Variants in TRIM25 observed in about 807,000 individuals in gnomAD.
TRIM25 encodes the protein tripartite motif containing 25.
TRIM25 carries 45 observed loss-of-function variants against 65.2 expected under a neutral mutation model. That is an observed-to-expected ratio of 0.69 (90% CI 0.54 to 0.89). The LOEUF is 0.89. TRIM25 is among the 40% of genes least tolerant of loss of function. The pLI is 0.00. For synonymous variants in TRIM25, 321 were observed against 340.4 expected, an observed-to-expected ratio of 0.94 and a Z score of 0.63; for missense variants, 714 against 803.7, an observed-to-expected ratio of 0.89 and a Z score of 1.35.
At chr17:56,906,462 A>C (rs1263538617) in intron 2 of TRIM25, among the ~76,000 whole-genome samples, 1 of 152,158 alleles carries the variant, frequency 6.6e-6, no homozygotes, top group Non-Finnish European at 1.5e-5. Flanking sequence ...AGGACAGTAG[A>C]CTGGAAAAGA....
rs1181945745 is a variant in TRIM25 at position 56,888,278 on chromosome 17, T to C, written c.*3422A>G. On this transcript the variant is annotated 3_prime_UTR_variant, in exon 9 of 9. Transcript: ENST00000316881. ...AGTCATCCCACCTTTTAGCATAAGC[T>C]CAGGTGTGATCCCATGGCCTCACAA... 1 of 152,056 alleles carries C rather than the reference T, an allele frequency of 6.6e-6. No individual in the cohort carries two copies. The highest frequency in any genetic ancestry group is 1.5e-5 in the Non-Finnish European group (1 of 68,034). The allele number at this position is 152,056 out of a possible 1,614,324, so 9.4% of individuals were successfully genotyped here. A position where few individuals can be genotyped will look rare whatever the true frequency, so the allele number is the denominator to read the frequency against.
intron 3 of TRIM25, among the ~76,000 whole-genome samples, chr17:56,903,229 C>A (rs745596172): frequency 6.6e-6 from 1 of 152,060 alleles, no homozygotes; most frequent in African/African-American, 2.4e-5. Context: ...GGTGAAATCT[C>A]GTCTCTACTA....
chr17:56,895,755 T>C (rs2144350605), intron 6 of TRIM25, 151 bp from the exon 7 acceptor site: 1 of 1,169,082 alleles, frequency 8.6e-7, no homozygotes, highest in South Asian at 1.5e-5. Context: ...CTTATTCATC[T>C]CACTTATGCT....
At position 56,900,209 on chromosome 17, in the gene TRIM25, G is replaced by A. The variant is rs139560285; in HGVS notation, c.1088-1029C>T. On this transcript the variant is annotated intron_variant, in intron 4 of 8. Coordinates refer to ENST00000316881, the MANE Select transcript of TRIM25 (RefSeq NM_005082.5). The stretch of plus-strand genomic sequence containing the variant: ...AGCCTGGGTGACAGAGCGAGACTCC[G>A]TCTCAAAAAAAAAAAAATTTTTTTT... Among the ~76,000 whole-genome samples, 206 of 143,114 alleles carry A rather than the reference G, an allele frequency of 1.4e-3. 2 individuals carry two copies. In the East Asian group the frequency reaches 0.038, roughly 26 times the overall value. The allele number at this position is 143,114 out of a possible 152,430, so 93.9% of individuals were successfully genotyped here.
In TRIM25 at chr17:56,913,225, TATA is replaced by T. The variant is rs1909663575; in HGVS notation, c.597+164_597+166del. The T allele has an allele frequency of 3.7e-6, 2 of 543,446 alleles. No individual in the cohort carries two copies. Among genetic ancestry groups the T allele is most frequent in the African/African-American group, 3.9e-5 (2 of 51,298 alleles). The allele number at this position is 543,446 out of a possible 1,614,324, so 33.7% of individuals were successfully genotyped here. ...GTCTTCATGGATGATGGGAAGGGAC[TATA>T]TAATCTCCCATCCCCTTTCTACTCT... On this transcript the variant is annotated intron_variant, in intron 1 of 8. Coordinates refer to ENST00000316881, the MANE Select transcript of TRIM25 (RefSeq NM_005082.5). This position sits in a 1 kb window ranked among gnomAD's most constrained non-coding sequence, Gnocchi z 6.1.
At position 56,895,559 on chromosome 17, in the gene TRIM25, G is replaced by A. The variant is rs61731985; in HGVS notation, c.1226C>T (p.Pro409Leu). 2.3e-5 allele frequency: 37 copies of A among 1,588,714 alleles called. No homozygotes were observed. The highest frequency in any genetic ancestry group is 2.3e-5 in the South Asian group (2 of 86,800). ...LPSKLPTFGA[P>L]EQLVDLKQAG... ...TTGTTTTAAATCCACTAACTGTTCC[G>A]GGGCTCCAAACGTGGGAAGCTTGCT... is the stretch of plus-strand genomic sequence containing the variant. The change falls in exon 7 of 9, where the codon CCG becomes CTG. Residue 409 changes from proline to leucine, a missense_variant. Coordinates refer to ENST00000316881, the MANE Select transcript of TRIM25 (RefSeq NM_005082.5).
At chr17:56,910,032 C>G (rs971191231) in intron 1 of TRIM25, among the ~76,000 whole-genome samples, 4 of 152,138 alleles carry the variant, frequency 2.6e-5, no homozygotes, top group Admixed American at 2.6e-4. Flanking sequence ...CCTTTACAGA[C>G]AAGGACACTG....
At chr17:56,901,144 G>A (rs1474922806) in intron 4 of TRIM25, among the ~76,000 whole-genome samples, 1 of 152,178 alleles carries the variant, frequency 6.6e-6, no homozygotes, top group Non-Finnish European at 1.5e-5. Context: ...ACCCATCCAA[G>A]TTGGCCTCAA....
chr17:56,889,899 C>A lies in TRIM25; in HGVS notation c.*1801G>T, dbSNP rs1246063933. On this transcript the variant is annotated 3_prime_UTR_variant, in exon 9 of 9. Transcript: ENST00000316881. ...AATAAAACTTCTAAGGACCACATAT[C>A]ACCTATTGCAGGGATGTCTTTCCTA... 4 of 398,610 alleles carry A rather than the reference C, an allele frequency of 1.0e-5. No individual in the cohort carries two copies. Among genetic ancestry groups the A allele is most frequent in the African/African-American group, 8.2e-5 (4 of 48,640 alleles). 24.7% of individuals were successfully genotyped at this position (398,610 alleles called of 1,614,324 possible). A position where few individuals can be genotyped will look rare whatever the true frequency, so the allele number is the denominator to read the frequency against.
chr17:56,895,728 G>C, intron 6 of TRIM25, 124 bp from the exon 7 acceptor site: 1 of 1,249,552 alleles, frequency 8.0e-7, no homozygotes, highest in East Asian at 2.4e-5. Context: ...GGGGAAAACA[G>C]ACAAGGCTAA....
chr17:56,892,532 T>C (rs1009558571), intron 8 of TRIM25, among the ~76,000 whole-genome samples: 1 of 152,182 alleles, frequency 6.6e-6, no homozygotes, highest in African/African-American at 2.4e-5. Context: ...CACTTATCTA[T>C]CCATCCTTCT....
chr17:56,905,508 G>C (rs1909502821), intron 2 of TRIM25, among the ~76,000 whole-genome samples: 1 of 152,144 alleles, frequency 6.6e-6, no homozygotes, highest in Admixed American at 6.5e-5. Context: ...AATGTGGTTA[G>C]TCCAAACTGA....
intron 2 of TRIM25, among the ~76,000 whole-genome samples, chr17:56,906,069 A>G (rs1909514113): frequency 6.6e-6 from 1 of 152,270 alleles, no homozygotes; most frequent in Non-Finnish European, 1.5e-5. Context: ...CTGCTTTAGT[A>G]GCTGCAATTT....
intron 3 of TRIM25, 127 bp downstream of exon 3, chr17:56,904,128 C>A: frequency 1.3e-6 from 1 of 748,182 alleles, no homozygotes; most frequent in Non-Finnish European, 2.2e-6. Flanking sequence ...ACTAATACAG[C>A]GTGTGTCTCA....
At position 56,890,643 on chromosome 17, in the gene TRIM25, G is replaced by A. The variant is rs1456507108; in HGVS notation, c.*1057C>T. On this transcript the variant is annotated 3_prime_UTR_variant, in exon 9 of 9. Coordinates refer to ENST00000316881, the MANE Select transcript of TRIM25 (RefSeq NM_005082.5). ...CTGTCTGCATGATAGCAGGCTTCAG[G>A]GATCCAGCTTAGCTGGAGGCTTGAC... The A allele has an allele frequency of 2.2e-6, 1 of 456,628 alleles. No homozygotes were observed. Among genetic ancestry groups the A allele is most frequent in the Admixed American group, 2.3e-5 (1 of 42,572 alleles). The allele number at this position is 456,628 out of a possible 1,614,324, so 28.3% of individuals were successfully genotyped here.
In TRIM25 at chr17:56,913,477, T is replaced by C. The variant is rs778846697; in HGVS notation, c.512A>G (p.His171Arg). The change falls in exon 1 of 9, where the codon CAC (histidine) becomes CGC (arginine). Residue 171 changes from histidine to arginine, a missense_variant. By Grantham distance (29) the His-to-Arg change is conservative. Coordinates refer to ENST00000316881, the MANE Select transcript of TRIM25 (RefSeq NM_005082.5). This position sits in a 1 kb window ranked among gnomAD's most constrained non-coding sequence, Gnocchi z 6.1. ...NRLREFFCPE[H>R]SECICHICLV... ...GCAGATGTGGCAGATGCACTCGCTG[T>C]GCTCGGGGCAGAAAAATTCCCGCAG... The C allele has an allele frequency of 6.2e-7, 1 of 1,612,958 alleles. No individual in the cohort carries two copies. The highest frequency in any genetic ancestry group is 8.5e-7 in the Non-Finnish European group (1 of 1,179,330).
rs1474330451 is a variant in TRIM25, at chr17:56,901,423, A to G, written c.1083T>C (p.Ser361=). 4.3e-6 allele frequency: 7 copies of G among 1,613,754 alleles called. No homozygotes were observed. In the Admixed American group the frequency reaches 1.2e-4, roughly 27 times the overall value. Residue 361 remains serine, a synonymous_variant, in exon 4 of 9, where the codon AGT becomes AGC. Transcript: ENST00000316881. ...CIGRLQEPTP[S]SGDPGEHDPA... is the part of the protein sequence containing the mutation. The stretch of plus-strand genomic sequence containing the variant: ...ATAGGGGGCTGCTAAGGTCACCTGA[A>G]CTGGGGGTGGGCTCCTGGAGCCGCC...
intron 5 of TRIM25, 168 bp downstream of exon 5, chr17:56,898,947 G>A: frequency 3.0e-6 from 2 of 662,944 alleles, no homozygotes; most frequent in South Asian, 3.8e-5. Flanking sequence ...GGACAGCGGA[G>A]CTTCTGCCAC....
At chr17:56,905,562 C>A (rs1909503751) in intron 2 of TRIM25, among the ~76,000 whole-genome samples, 1 of 151,914 alleles carries the variant, frequency 6.6e-6, no homozygotes, top group African/African-American at 2.4e-5. Flanking sequence ...TCAAGGGTTT[C>A]ACACCAAAAA....
Sources: allele counts gnomAD v4.1 joint callset (sites outside exome capture counted in the v4.1 genomes callset), GRCh38; gene constraint gnomAD v4.1.1; non-coding constraint Gnocchi (gnomAD v3.1); transcripts MANE v1.5; gene names NCBI Gene and HGNC (gene_info 2026-07-23, HGNC 2026-07-21).